The following C9orf153 variants were observed in gnomAD, a reference collection of about 807,000 sequenced individuals.
C9orf153 encodes chromosome 9 open reading frame 153.
Under a neutral mutation model 9.0 loss-of-function variants are expected in C9orf153, and 10 were observed. That is an observed-to-expected ratio of 1.11 (90% confidence interval 0.69 to 1.89). The LOEUF (loss-of-function observed/expected upper bound fraction) is 1.89. C9orf153 is among the 40% of genes most tolerant of loss of function. The probability of loss-of-function intolerance (pLI) is 0.00; values close to 1 mark genes in which losing one functional copy is unlikely to be tolerated. For missense variants in C9orf153, 108 were observed against 111.0 expected (o/e 0.97, Z 0.12); for synonymous variants, 35 against 37.3 (o/e 0.94, Z 0.23).
intron 1 of C9orf153, among the ~76,000 whole-genome samples, chr9:86,242,293 A>C (rs1275961808): frequency 6.6e-6 from 1 of 152,076 alleles, no homozygotes; most frequent in Non-Finnish European, 1.5e-5. Flanking sequence ...GCCTTCTTAG[A>C]GCCTTGCAGA....
At chr9:86,223,699 C>T (rs183259792) in intron 3 of C9orf153, among the ~76,000 whole-genome samples, 14 of 152,250 alleles carry the variant, frequency 9.2e-5, no homozygotes, top group Non-Finnish European at 1.6e-4. Flanking sequence ...AAAATCGTTG[C>T]TTCCGTATTA....
chr9:86,245,087 C>T (rs1285951996), intron 1 of C9orf153, among the ~76,000 whole-genome samples: 1 of 152,092 alleles, frequency 6.6e-6, no homozygotes, highest in Non-Finnish European at 1.5e-5. Context: ...CCACCACAAC[C>T]AACTAATTTT....
intron 3 of C9orf153, among the ~76,000 whole-genome samples, chr9:86,226,800 C>T (rs374077003): frequency 4.6e-5 from 7 of 152,066 alleles, no homozygotes; most frequent in Non-Finnish European, 7.4e-5. Context: ...GTTTTGTCCT[C>T]GTGGCCCAGG....
chr9:86,241,980 A>G (rs1824754649), intron 1 of C9orf153, among the ~76,000 whole-genome samples: 1 of 152,202 alleles, frequency 6.6e-6, no homozygotes, highest in Non-Finnish European at 1.5e-5. Context: ...CATACACAAG[A>G]TAAGTGAATT....
intron 1 of C9orf153, among the ~76,000 whole-genome samples, chr9:86,245,463 C>T (rs1434574910): frequency 2.0e-5 from 3 of 152,272 alleles, no homozygotes; most frequent in East Asian, 1.9e-4. Flanking sequence ...TGTCTCTGAG[C>T]GTGACTACTC....
rs569918927 is a variant in C9orf153 at position 86,234,143 on chromosome 9, C to T, written c.-26-4514G>A. Among the ~76,000 whole-genome samples the T allele has an allele frequency of 2.6e-5, 4 of 152,308 alleles. No individual in the cohort carries two copies. In the East Asian group the frequency reaches 7.7e-4, roughly 29 times the overall value. On this transcript the variant is annotated intron_variant, in intron 1 of 3. Coordinates refer to ENST00000339137, the MANE Select transcript of C9orf153 (RefSeq NM_001276366.4). ...GCTACCGCAATGCCATAAATGTTCT[C>T]TGTACTTTAGCCAGCTGGGCTCATT...
chr9:86,241,038 T>G (rs1165673924), intron 1 of C9orf153, among the ~76,000 whole-genome samples: 1 of 151,876 alleles, frequency 6.6e-6, no homozygotes, highest in African/African-American at 2.4e-5. Context: ...CCCTACCCCC[T>G]CTCCCCTGGC....
chr9:86,232,256 G>A (rs1824489200), intron 1 of C9orf153, among the ~76,000 whole-genome samples: 1 of 152,156 alleles, frequency 6.6e-6, no homozygotes, highest in Admixed American at 6.5e-5. Context: ...TGAAGTGTCA[G>A]GATTCCGAAT....
chr9:86,226,918 C>G (rs1240908520), intron 3 of C9orf153, among the ~76,000 whole-genome samples: 2 of 152,260 alleles, frequency 1.3e-5, no homozygotes, highest in South Asian at 4.1e-4. Flanking sequence ...GCACCCACCA[C>G]CACGCCCAGC....
chr9:86,237,678 T>TTTCAGACAGAGCAGAC lies in C9orf153; in HGVS notation c.-26-8050_-26-8049insGTCTGCTCTGTCTGAA, dbSNP rs367604992. On this transcript the variant is annotated intron_variant, in intron 1 of 3. Coordinates refer to ENST00000339137, the MANE Select transcript of C9orf153 (RefSeq NM_001276366.4). ...TGAAAGAATACAGGAGCTATACTGA[T>TTTCAGACAGAGCAGAC]TTCAGAGCAAGAAAATTTATCAGAG... Among the ~76,000 whole-genome samples the TTTCAGACAGAGCAGAC allele has an allele frequency of 6.6e-3, 1,007 of 152,256 alleles. 10 individuals are homozygous for TTTCAGACAGAGCAGAC. The highest frequency in any genetic ancestry group is 0.031 in the Middle Eastern group (9 of 294).
chr9:86,244,634 A>T (rs1312138427), intron 1 of C9orf153, among the ~76,000 whole-genome samples: 1 of 152,178 alleles, frequency 6.6e-6, no homozygotes, highest in East Asian at 1.9e-4. Flanking sequence ...TTTAAATGGG[A>T]GTGTGTTCTT....
chr9:86,224,508 A>G (rs903452695), intron 3 of C9orf153, among the ~76,000 whole-genome samples: 1 of 152,182 alleles, frequency 6.6e-6, no homozygotes, highest in African/African-American at 2.4e-5. Context: ...GGTATCTTAC[A>G]AAATAGCTAG....
At chr9:86,225,707 A>G (rs1452582652) in intron 3 of C9orf153, among the ~76,000 whole-genome samples, 1 of 151,528 alleles carries the variant, frequency 6.6e-6, no homozygotes, top group African/African-American at 2.4e-5. Flanking sequence ...CTGGTCTTGA[A>G]CTCCTGACCT....
chr9:86,254,562 C>A (rs541739822), intron 1 of C9orf153, among the ~76,000 whole-genome samples: 75 of 152,290 alleles, frequency 4.9e-4, no homozygotes, highest in African/African-American at 1.7e-3. Flanking sequence ...CTACTGCAAT[C>A]TGATGATACT....
intron 3 of C9orf153, among the ~76,000 whole-genome samples, chr9:86,223,113 T>C (rs1824242282): frequency 6.6e-6 from 1 of 152,070 alleles, no homozygotes. Context: ...TTTGACAAGA[T>C]CTTTGGAGGC....
At chr9:86,228,130 C>A in intron 2 of C9orf153, 100 bp from the exon 3 acceptor site, 1 of 844,152 alleles carries the variant, frequency 1.2e-6, no homozygotes, top group East Asian at 2.7e-5. Context: ...CAATAAATAA[C>A]CATAAAGACA....
At chr9:86,247,984 G>C (rs1314102025) in intron 1 of C9orf153, among the ~76,000 whole-genome samples, 1 of 152,170 alleles carries the variant, frequency 6.6e-6, no homozygotes, top group East Asian at 1.9e-4. Flanking sequence ...TGGGACTCAC[G>C]GACTTTGGGT....
At chr9:86,241,036 C>G (rs551911973) in intron 1 of C9orf153, among the ~76,000 whole-genome samples, 1 of 152,020 alleles carries the variant, frequency 6.6e-6, no homozygotes, top group African/African-American at 2.4e-5. Context: ...GCCCCTACCC[C>G]CTCTCCCCTG....
At chr9:86,240,949 C>T (rs1194161803) in intron 1 of C9orf153, among the ~76,000 whole-genome samples, 1 of 151,978 alleles carries the variant, frequency 6.6e-6, no homozygotes, top group Non-Finnish European at 1.5e-5. Flanking sequence ...CCTCATGACG[C>T]GTCCACCTCC....
Sources: gnomAD v4.1 joint callset for allele counts (sites outside exome capture counted in the v4.1 genomes callset) on GRCh38, gnomAD v4.1.1 for gene constraint, MANE v1.5 for transcripts, NCBI Gene and HGNC (gene_info 2026-07-23, HGNC 2026-07-21) for gene names.